Variants in FBXL4 observed in about 807,000 individuals in gnomAD.
The protein encoded by FBXL4 is F-box and leucine rich repeat protein 4.
FBXL4 carries 40 observed loss-of-function variants against 58.9 expected under a neutral mutation model. The ratio of observed to expected loss-of-function variants is 0.68; its 90% confidence interval spans 0.53 to 0.88. FBXL4 has a LOEUF of 0.88. Among genes scored for constraint, FBXL4 ranks in the 40% least tolerant of loss-of-function variants. The pLI is 0.00. For synonymous variants in FBXL4, 263 were observed against 265.5 expected (o/e 0.99, Z 0.09); for missense variants, 676 against 734.4 (o/e 0.92, Z 0.92).
At chr6:98,902,175 GAGA>G (rs1309612871) in intron 6 of FBXL4, among the ~76,000 whole-genome samples, 1 of 152,060 alleles carries the variant, frequency 6.6e-6, no homozygotes, top group African/African-American at 2.4e-5. Context: ...AAGTATAAAA[GAGA>G]AGAATTAGAT....
intron 2 of FBXL4, among the ~76,000 whole-genome samples, chr6:98,928,521 G>C (rs1772879752): frequency 6.6e-6 from 1 of 151,870 alleles, no homozygotes; most frequent in African/African-American, 2.4e-5. Flanking sequence ...GTAGAAACAG[G>C]GTTTCACCAT....
intron 7 of FBXL4, among the ~76,000 whole-genome samples, chr6:98,883,870 C>A (rs1770937943): frequency 6.6e-6 from 1 of 150,954 alleles, no homozygotes; most frequent in Non-Finnish European, 1.5e-5. Context: ...CTGCTGTTGG[C>A]CCTTTGCTCT....
chr6:98,892,494 T>G (rs1379361638), intron 7 of FBXL4, among the ~76,000 whole-genome samples: 2 of 152,188 alleles, frequency 1.3e-5, no homozygotes, highest in Non-Finnish European at 2.9e-5. Context: ...CAAAATACAA[T>G]AATGTATTGT....
chr6:98,912,200 T>C (rs551228621), intron 5 of FBXL4, among the ~76,000 whole-genome samples: 9 of 152,334 alleles, frequency 5.9e-5, no homozygotes, highest in South Asian at 2.1e-4. Context: ...CTATGTCTGA[T>C]TGGCGTACCT....
intron 6 of FBXL4, among the ~76,000 whole-genome samples, chr6:98,903,339 C>G (rs195823): frequency 0.69 from 104,888 of 151,926 alleles, 37,099 homozygotes; most frequent in African/African-American, 0.85. Context: ...AATATGCCCC[C>G]CACAAGAAAA....
At chr6:98,905,008 T>A (rs944582161) in intron 6 of FBXL4, among the ~76,000 whole-genome samples, 2 of 152,244 alleles carry the variant, frequency 1.3e-5, no homozygotes, top group Non-Finnish European at 2.9e-5. Context: ...GTATTGCACA[T>A]GTAATTAAGA....
chr6:98,905,716 A>G (rs1257255869), intron 5 of FBXL4, 46 bp from the exon 6 acceptor site: 3 of 1,586,126 alleles, frequency 1.9e-6, no homozygotes, highest in East Asian at 2.2e-5. Flanking sequence ...GAAAAGCAGT[A>G]TCATTCTATG....
At chr6:98,879,604 T>A (rs1482779189) in intron 8 of FBXL4, among the ~76,000 whole-genome samples, 2 of 151,986 alleles carry the variant, frequency 1.3e-5, no homozygotes, top group South Asian at 2.1e-4. Context: ...AGGACTAGGC[T>A]GGGCGCAGTG....
chr6:98,929,921 G>C (rs1772947468), intron 2 of FBXL4, among the ~76,000 whole-genome samples: 1 of 152,200 alleles, frequency 6.6e-6, no homozygotes, highest in Non-Finnish European at 1.5e-5. Context: ...ACCATGCATA[G>C]AGTGTGGGCC....
Position 98,897,298 on chromosome 6 carries a change from C to A in FBXL4, c.1317+1970G>T, listed in dbSNP as rs1379262064. Reference sequence around the variant, plus strand: ...GTCCTACCCAAGAAAAGATAGCTAGCAATTTTATACCCACACAAATGGGGA... The same window carrying A: ...GTCCTACCCAAGAAAAGATAGCTAGAAATTTTATACCCACACAAATGGGGA... On this transcript the variant is annotated intron_variant, in intron 7 of 9. Coordinates refer to ENST00000369244, the MANE Select transcript of FBXL4 (RefSeq NM_001278716.2). The A allele has an allele frequency of 3.0e-6, 3 of 985,086 alleles. No homozygotes were observed. The African/African-American group carries it at 5.2e-5, about 17-fold the overall frequency. The allele number at this position is 985,086 out of a possible 1,614,324, so 61.0% of individuals were successfully genotyped here.
intron 5 of FBXL4, among the ~76,000 whole-genome samples, chr6:98,911,457 C>T (rs904817503): frequency 3.3e-5 from 5 of 152,200 alleles, no homozygotes; most frequent in Admixed American, 2.0e-4. Context: ...ACACCTCACA[C>T]GGCCGGGTAC....
intron 7 of FBXL4, among the ~76,000 whole-genome samples, chr6:98,889,335 T>G (rs1771142879): frequency 6.6e-6 from 1 of 152,190 alleles, no homozygotes; most frequent in African/African-American, 2.4e-5. Context: ...CTTGTTTGTT[T>G]AGCAAGTTTA....
rs762144154 is a variant in FBXL4 at position 98,899,391 on chromosome 6, C to T, written c.1194G>A (p.Glu398=). The change falls in exon 7 of 10, where the codon GAG becomes GAA. Residue 398 remains glutamate (E), a synonymous_variant. Transcript: ENST00000369244. ...LNETCLEVIS[E]MCPNLQALNL... is the part of the protein sequence containing the mutation. ...TTAAGGCCTGTAGATTTGGACACAT[C>T]TCAGAAATAACTTCTAAGCAAGTTT... 4 of 1,613,816 alleles carry T rather than the reference C, an allele frequency of 2.5e-6. No homozygotes were observed. Among genetic ancestry groups the T allele is most frequent in the Admixed American group, 1.7e-5 (1 of 59,928 alleles).
At chr6:98,945,773 T>C (rs747533539) in intron 1 of FBXL4, among the ~76,000 whole-genome samples, 4 of 152,098 alleles carry the variant, frequency 2.6e-5, no homozygotes, top group African/African-American at 4.8e-5. Flanking sequence ...TCACAGGTGA[T>C]GGGGAGAGAC....
chr6:98,905,470 A>G lies in FBXL4; in HGVS notation c.1059T>C (p.Ser353=). ...RCTLVQWLNL[S]WTGNRGFISV... ...AGATGAAGCCTCTATTGCCAGTCCA[A>G]GATAAATTAAGCCACTGGACAAGAG... Residue 353 remains serine (S), a synonymous_variant, in exon 6 of 10, where the codon TCT becomes TCC. Coordinates refer to ENST00000369244, the MANE Select transcript of FBXL4 (RefSeq NM_001278716.2). 1 of 1,614,082 alleles carries G rather than the reference A, an allele frequency of 6.2e-7. No homozygotes were observed. The highest frequency in any genetic ancestry group is 8.5e-7 in the Non-Finnish European group (1 of 1,179,960).
intron 4 of FBXL4, among the ~76,000 whole-genome samples, chr6:98,924,696 G>GA (rs1772709175): frequency 6.6e-6 from 1 of 151,952 alleles, no homozygotes; most frequent in Admixed American, 6.6e-5. Flanking sequence ...GGTAGTTCTG[G>GA]AAAAAAAAGT....
intron 7 of FBXL4, among the ~76,000 whole-genome samples, chr6:98,887,490 T>A (rs1365557414): frequency 6.6e-6 from 1 of 152,194 alleles, no homozygotes; most frequent in Non-Finnish European, 1.5e-5. Context: ...TGTGAAATGG[T>A]AGATGCATTA....
chr6:98,926,954 G>C lies in FBXL4; in HGVS notation c.35C>G (p.Thr12Ser), dbSNP rs771325698. ...CCGAAGGCATATATAATAAAACATG[G>C]TCAGAACTGTTAACATGGGAAAGAC... The part of the protein sequence containing the change: ...SPVFPMLTVL[T>S]MFYYICLRRR... Residue 12 changes from threonine (T) to serine (S), a missense_variant, in exon 4 of 10, where the codon ACC becomes AGC. Coordinates refer to ENST00000369244, the MANE Select transcript of FBXL4 (RefSeq NM_001278716.2). 3.1e-6 allele frequency: 5 copies of C among 1,614,080 alleles called. No homozygotes were observed. Among genetic ancestry groups the C allele is most frequent in the Non-Finnish European group, 4.2e-6 (5 of 1,180,002 alleles).
At chr6:98,900,173 A>T (rs1036962751) in intron 6 of FBXL4, among the ~76,000 whole-genome samples, 6 of 152,166 alleles carry the variant, frequency 3.9e-5, no homozygotes, top group Non-Finnish European at 5.9e-5. Context: ...TAGTTGGGGG[A>T]AAAATAGTCC....
Sources: allele counts gnomAD v4.1 joint callset (sites outside exome capture counted in the v4.1 genomes callset), GRCh38; gene constraint gnomAD v4.1.1; transcripts MANE v1.5; gene names NCBI Gene and HGNC (gene_info 2026-07-23, HGNC 2026-07-21).